The following IL34 variants were observed in gnomAD, a reference collection of about 807,000 sequenced individuals.
IL34 encodes interleukin-34.
Under a neutral mutation model 25.3 loss-of-function variants are expected in IL34, and 17 were observed. The ratio of observed to expected loss-of-function variants is 0.67; its 90% confidence interval spans 0.46 to 1.01. The LOEUF (loss-of-function observed/expected upper bound fraction) is 1.01. Ranked by LOEUF, IL34 falls within the 50% of genes least tolerant of loss-of-function variation. The pLI is 0.00. For synonymous variants in IL34, 174 were observed against 140.9 expected (o/e 1.23, Z -1.66); for missense variants, 368 against 312.9 (o/e 1.18, Z -1.33).
At chr16:70,643,986 T>C (rs151290668), upstream of IL34, among the ~76,000 whole-genome samples, 867 of 152,236 alleles carry the variant, frequency 5.7e-3, 7 homozygotes, top group African/African-American at 0.02. Flanking sequence ...TTTTTTTCTT[T>C]TGTTTTGAGA....
chr16:70,582,715 A>G (rs537067461), intron 1 of IL34, among the ~76,000 whole-genome samples: 16 of 152,344 alleles, frequency 1.1e-4, no homozygotes, highest in African/African-American at 1.9e-4. Flanking sequence ...ATTTTCTCAG[A>G]CAACAAACAC....
At chr16:70,631,113 G>A (rs974074535) in intron 1 of IL34, among the ~76,000 whole-genome samples, 1 of 152,216 alleles carries the variant, frequency 6.6e-6, no homozygotes, top group Non-Finnish European at 1.5e-5. Context: ...GACTGACTGT[G>A]TTATGTTATA....
At chr16:70,643,355 C>CA (rs1220903719), upstream of IL34, among the ~76,000 whole-genome samples, 1 of 151,990 alleles carries the variant, frequency 6.6e-6, no homozygotes. Context: ...TGAGCCACTG[C>CA]ACCTGGCTGT....
At chr16:70,630,698 C>A (rs987867331) in intron 1 of IL34, among the ~76,000 whole-genome samples, 5 of 151,232 alleles carry the variant, frequency 3.3e-5, no homozygotes, top group South Asian at 2.1e-4. Context: ...CTCAGCTTCC[C>A]AAGTAGCTGT....
At chr16:70,618,514 C>A (rs2051210357) in intron 1 of IL34, among the ~76,000 whole-genome samples, 1 of 152,096 alleles carries the variant, frequency 6.6e-6, no homozygotes, top group African/African-American at 2.4e-5. Flanking sequence ...GTGAGTTGAG[C>A]ATAGTTTGTG....
chr16:70,634,477 C>T (rs542097546), intron 1 of IL34, among the ~76,000 whole-genome samples: 57 of 152,038 alleles, frequency 3.7e-4, no homozygotes, highest in Middle Eastern at 6.8e-3. Context: ...GTCAGGAGTT[C>T]GAGACCAGCC....
Position 70,639,163 on chromosome 16 carries a change from A to G in IL34, c.-400-7385A>G, listed in dbSNP as rs1283440175. On this transcript the variant is annotated intron_variant, in intron 1 of 6. Transcript: ENST00000429149. Reference sequence around the variant, plus strand: ...GAGCTTTCCAGATGTGGTGACATTGATCACAGATAGGTGGCACCCACCAGA... The same window carrying G: ...GAGCTTTCCAGATGTGGTGACATTGGTCACAGATAGGTGGCACCCACCAGA... 5.3e-5 allele frequency among the ~76,000 whole-genome samples: 8 copies of G among 152,322 alleles called. No individual in the cohort carries two copies. The East Asian group carries it at 5.8e-4, about 11-fold the overall frequency.
intron 1 of IL34, among the ~76,000 whole-genome samples, chr16:70,619,113 TG>T (rs1449946821): frequency 6.6e-6 from 1 of 151,924 alleles, no homozygotes; most frequent in Non-Finnish European, 1.5e-5. Context: ...ACAGGTAAAA[TG>T]GGGGAATTGT....
chr16:70,647,395 A>G (rs11865702), intron 1 of IL34, among the ~76,000 whole-genome samples: 75,876 of 152,120 alleles, frequency 0.5, 19,637 homozygotes, highest in South Asian at 0.64. Context: ...GAGCAGCCAG[A>G]TGCCTGGAGA....
At chr16:70,580,421 T>C (rs1274028120) in intron 1 of IL34, among the ~76,000 whole-genome samples, 1 of 152,260 alleles carries the variant, frequency 6.6e-6, no homozygotes, top group East Asian at 1.9e-4. Flanking sequence ...TATATTGCCG[T>C]AGGTCTTTGG....
At chr16:70,644,824 GA>G, upstream of IL34, among the ~76,000 whole-genome samples, 1 of 147,042 alleles carries the variant, frequency 6.8e-6, no homozygotes, top group Non-Finnish European at 1.5e-5. Context: ...AGGAAGGGAG[GA>G]GGAAGGAGGA....
chr16:70,613,913 C>G (rs1025702031), intron 1 of IL34, among the ~76,000 whole-genome samples: 1 of 151,064 alleles, frequency 6.6e-6, no homozygotes, highest in African/African-American at 2.4e-5. Context: ...TCCAGCCAGG[C>G]ACGGTGGCTC....
intron 1 of IL34, 77 bp from the exon 2 acceptor site, chr16:70,654,461 T>G: frequency 6.6e-7 from 1 of 1,514,032 alleles, no homozygotes; most frequent in East Asian, 2.3e-5. Context: ...ATGATGGTTG[T>G]GCTCGGCTTT....
intron 1 of IL34, among the ~76,000 whole-genome samples, chr16:70,620,619 T>G (rs758324530): frequency 1.1e-4 from 16 of 152,164 alleles, no homozygotes; most frequent in Admixed American, 2.6e-4. Flanking sequence ...GAAGATTTGG[T>G]ACGAGTTGCA....
At chr16:70,579,939 C>G (rs555819549) in exon 1 of IL34, 13 of 152,722 alleles carry the variant, frequency 8.5e-5, no homozygotes, top group African/African-American at 3.1e-4. Flanking sequence ...CAGCCTCAGC[C>G]TCTCCAACCT....
chr16:70,644,160 A>G (rs181752758), upstream of IL34, among the ~76,000 whole-genome samples: 14 of 152,276 alleles, frequency 9.2e-5, no homozygotes, highest in African/African-American at 2.6e-4. Context: ...TTTTTAGTAG[A>G]GACAGGGTTT....
intron 1 of IL34, among the ~76,000 whole-genome samples, chr16:70,620,264 G>A (rs2051251868): frequency 6.6e-6 from 1 of 151,948 alleles, no homozygotes. Context: ...AACTGGGCTG[G>A]ATTTTTATAC....
chr16:70,583,942 G>A (rs146398327), intron 1 of IL34, among the ~76,000 whole-genome samples: 7 of 152,154 alleles, frequency 4.6e-5, no homozygotes, highest in African/African-American at 1.4e-4. Flanking sequence ...GTGAACCACC[G>A]TGCCTGGCCC....
chr16:70,614,146 T>G (rs2051137714), intron 1 of IL34, among the ~76,000 whole-genome samples: 1 of 147,226 alleles, frequency 6.8e-6, no homozygotes, highest in African/African-American at 2.5e-5. Context: ...ATCATGCCCC[T>G]GCACTCCAGC....
Sources: allele counts gnomAD v4.1 joint callset (sites outside exome capture counted in the v4.1 genomes callset), GRCh38; gene constraint gnomAD v4.1.1; transcripts MANE v1.5; gene names NCBI Gene and HGNC (gene_info 2026-07-23, HGNC 2026-07-21).